PDZD8: variants seen among roughly 807,000 people sequenced by gnomAD.
PDZD8 encodes PDZ domain-containing protein 8.
PDZD8 carries 14 observed loss-of-function variants against 85.8 expected under a neutral mutation model. The observed-to-expected ratio is 0.16, with a 90% confidence interval of 0.11 to 0.26. The LOEUF is 0.26. Ranked by LOEUF, PDZD8 falls within the 10% of genes least tolerant of loss-of-function variation. The pLI, the probability that PDZD8 is intolerant of heterozygous loss-of-function variation, is 1.00. For synonymous variants in PDZD8, 592 were observed against 568.6 expected, an observed-to-expected ratio of 1.04 and a Z score of -0.59; for missense variants, 1,197 against 1,424.3, an observed-to-expected ratio of 0.84 and a Z score of 2.57.
intron 1 of PDZD8, among the ~76,000 whole-genome samples, chr10:117,364,026 C>A (rs969227163): frequency 6.6e-6 from 1 of 152,094 alleles, no homozygotes; most frequent in Non-Finnish European, 1.5e-5. Context: ...AAAATCAAGT[C>A]TTCTGGAGTG....
chr10:117,365,726 C>T (rs1218940554), intron 1 of PDZD8, among the ~76,000 whole-genome samples: 3 of 152,134 alleles, frequency 2.0e-5, no homozygotes, highest in African/African-American at 7.2e-5. Flanking sequence ...TTTGAAACTA[C>T]TCTGTAAAAC....
rs73407947 is a variant in PDZD8 at position 117,330,788 on chromosome 10, A to G, written c.995+10192T>C. ...CACCTTCAATAACTTTTCTCTGATT[A>G]AAGGATCACCATTGTAACTTCTCTT... On this transcript the variant is annotated intron_variant, in intron 2 of 4. Transcript: ENST00000334464. Among the ~76,000 whole-genome samples the G allele has an allele frequency of 4.8e-3, 725 of 152,340 alleles. 11 individuals carry two copies. The highest frequency in any genetic ancestry group is 0.017 in the African/African-American group (697 of 41,582).
intron 2 of PDZD8, among the ~76,000 whole-genome samples, chr10:117,339,426 G>T (rs1284098838): frequency 6.6e-6 from 1 of 152,124 alleles, no homozygotes; most frequent in Non-Finnish European, 1.5e-5. Context: ...GCAGAGAAGG[G>T]GGCCAAGAAA....
At chr10:117,287,516 CCTTT>C (rs1200112378) in intron 4 of PDZD8, among the ~76,000 whole-genome samples, 2 of 152,170 alleles carry the variant, frequency 1.3e-5, no homozygotes, top group African/African-American at 2.4e-5. Context: ...AGAGCTAAAA[CCTTT>C]CTTTGACTGT....
At chr10:117,367,056 A>T (rs1845102438) in intron 1 of PDZD8, among the ~76,000 whole-genome samples, 1 of 152,216 alleles carries the variant, frequency 6.6e-6, no homozygotes. Context: ...TGCTTTGGCT[A>T]TTTCCAGGAA....
chr10:117,299,275 C>T (rs1229021095), intron 3 of PDZD8, among the ~76,000 whole-genome samples: 1 of 152,142 alleles, frequency 6.6e-6, no homozygotes, highest in Non-Finnish European at 1.5e-5. Flanking sequence ...GGGTTTCAAT[C>T]CACAGTTGAT....
chr10:117,318,634 T>C (rs1169470773), intron 3 of PDZD8, among the ~76,000 whole-genome samples: 1 of 152,150 alleles, frequency 6.6e-6, no homozygotes, highest in Non-Finnish European at 1.5e-5. Context: ...AATCTTAAAG[T>C]TCTGAAAGGA....
In PDZD8 at chr10:117,375,130, G is replaced by A. The variant is rs1392709403; in HGVS notation, c.98C>T (p.Pro33Leu). 1.9e-6 allele frequency: 3 copies of A among 1,591,006 alleles called. No homozygotes were observed. The highest frequency in any genetic ancestry group is 1.7e-6 in the Non-Finnish European group (2 of 1,174,702). Residue 33 changes from proline to leucine, a missense_variant, in exon 1 of 5, where the codon CCG becomes CTG. Coordinates refer to ENST00000334464, the MANE Select transcript of PDZD8 (RefSeq NM_173791.5). ...CGCGCGGGCGGCCTCGTCCGCCGGC[G>A]GCTCGGGCTGTCTGCGGTACAGCAG... ...FFLLYRRQPE[P>L]PADEAARAGE...
intron 1 of PDZD8, among the ~76,000 whole-genome samples, chr10:117,348,178 T>C (rs532743233): frequency 6.6e-6 from 1 of 152,330 alleles, no homozygotes; most frequent in African/African-American, 2.4e-5. Context: ...TTCTTGTCAC[T>C]GCTTTGATGT....
At chr10:117,301,439 C>T (rs1486107759) in intron 3 of PDZD8, among the ~76,000 whole-genome samples, 2 of 152,126 alleles carry the variant, frequency 1.3e-5, no homozygotes, top group Non-Finnish European at 2.9e-5. Flanking sequence ...ATTGAGAGGT[C>T]AAGATTTCTA....
intron 1 of PDZD8, among the ~76,000 whole-genome samples, chr10:117,367,122 A>G (rs1845103414): frequency 6.6e-6 from 1 of 152,168 alleles, no homozygotes; most frequent in African/African-American, 2.4e-5. Context: ...ATTTGAATTT[A>G]TAGCCTCCCG....
rs1844527303 is a variant in PDZD8 at position 117,278,202 on chromosome 10, GT to G, written c.*5065del. The G allele has an allele frequency of 6.6e-6, 1 of 152,174 alleles. No individual in the cohort carries two copies. The highest frequency in any genetic ancestry group is 6.5e-5 in the Admixed American group (1 of 15,278). The allele number at this position is 152,174 out of a possible 1,614,324, so 9.4% of individuals were successfully genotyped here. On this transcript the variant is annotated 3_prime_UTR_variant, in exon 5 of 5. Transcript: ENST00000334464. The stretch of plus-strand genomic sequence containing the variant: ...TAATATCTGACTATATCTTTGATCT[GT>G]TTGCAGGTCATCCAAGTGTTTTCTA...
chr10:117,346,012 G>A (rs1232878542), intron 1 of PDZD8, among the ~76,000 whole-genome samples: 6 of 151,968 alleles, frequency 3.9e-5, no homozygotes, highest in South Asian at 2.1e-4. Flanking sequence ...AGGCTGAGGC[G>A]GGCAGATCAC....
intron 1 of PDZD8, among the ~76,000 whole-genome samples, chr10:117,348,440 T>C (rs955275182): frequency 4.6e-5 from 7 of 152,192 alleles, no homozygotes; most frequent in Non-Finnish European, 1.0e-4. Context: ...TAGTAAATGC[T>C]AGAGCCAAAA....
At chr10:117,309,330 T>G (rs1413688282) in intron 3 of PDZD8, among the ~76,000 whole-genome samples, 1 of 151,774 alleles carries the variant, frequency 6.6e-6, no homozygotes, top group East Asian at 1.9e-4. Flanking sequence ...AAACATAGCA[T>G]AAACCTCAAA....
Position 117,279,201 on chromosome 10 carries a change from C to G in PDZD8, c.*4067G>C, listed in dbSNP as rs1021396786. On this transcript the variant is annotated 3_prime_UTR_variant, in exon 5 of 5. Coordinates refer to ENST00000334464, the MANE Select transcript of PDZD8 (RefSeq NM_173791.5). Reference sequence around the variant, plus strand: ...TAAGTTCTTTTATATGACTAATATTCTTGGTTAGCAAGACTGGAAAGAGGT... The same window carrying G: ...TAAGTTCTTTTATATGACTAATATTGTTGGTTAGCAAGACTGGAAAGAGGT... 1.3e-5 allele frequency: 2 copies of G among 152,290 alleles called. No individual in the cohort carries two copies. The highest frequency in any genetic ancestry group is 1.3e-4 in the Admixed American group (2 of 15,290). The allele number at this position is 152,290 out of a possible 1,614,324, so 9.4% of individuals were successfully genotyped here. A position where few individuals can be genotyped will look rare whatever the true frequency, so the allele number is the denominator to read the frequency against.
chr10:117,363,782 C>T (rs1252224726), intron 1 of PDZD8, among the ~76,000 whole-genome samples: 1 of 152,114 alleles, frequency 6.6e-6, no homozygotes, highest in Non-Finnish European at 1.5e-5. Context: ...TTCAGTACCC[C>T]ACCCACCATA....
chr10:117,350,268 C>G (rs201763788), intron 1 of PDZD8, among the ~76,000 whole-genome samples: 7 of 137,722 alleles, frequency 5.1e-5, no homozygotes, highest in East Asian at 4.3e-4. Context: ...TTGTTTGTTT[C>G]TTTTTTTTTT....
In PDZD8 at chr10:117,360,401, T is replaced by TA. The variant is rs1295231516; in HGVS notation, c.872+13954dup. On this transcript the variant is annotated intron_variant, in intron 1 of 4. Coordinates refer to ENST00000334464, the MANE Select transcript of PDZD8 (RefSeq NM_173791.5). ...TCAAAATTCCCAGCTTTCACATAGC[T>TA]AAAAAAATGGGCAAATCCAAACTCT... Among the ~76,000 whole-genome samples the TA allele has an allele frequency of 3.9e-5, 6 of 152,136 alleles. No individual in the cohort carries two copies. In the East Asian group the frequency reaches 9.7e-4, roughly 24 times the overall value.
Sources: allele counts gnomAD v4.1 joint callset (sites outside exome capture counted in the v4.1 genomes callset), GRCh38; gene constraint gnomAD v4.1.1; transcripts MANE v1.5; gene names NCBI Gene and HGNC (gene_info 2026-07-23, HGNC 2026-07-21).